The following OR4E1 variants were observed in gnomAD, a reference collection of about 807,000 sequenced individuals.
The protein encoded by OR4E1 is olfactory receptor family 4 subfamily E member 1.
chr14:21,673,202 G>T lies in OR4E1; in HGVS notation c.-130C>A, dbSNP rs1229572487. ...ATTTGGCGATATTTTCTGGTAAAAG[G>T]TACTATTTCAGGCTGTCTGTAAAAA... On this transcript the variant is annotated 5_prime_UTR_variant, in exon 1 of 2. Transcript: ENST00000641792. The T allele has an allele frequency of 2.0e-5, 3 of 152,034 alleles. No homozygotes were observed. Among genetic ancestry groups the T allele is most frequent in the Non-Finnish European group, 4.4e-5 (3 of 68,006 alleles). 9.4% of individuals were successfully genotyped at this position (152,034 alleles called of 1,614,324 possible).
rs1880814575 is a variant in OR4E1 at position 21,669,459 on chromosome 14, G to A, written c.*529C>T. 1 of 152,202 alleles carries A rather than the reference G, an allele frequency of 6.6e-6. No individual in the cohort carries two copies. The highest frequency in any genetic ancestry group is 2.4e-5 in the African/African-American group (1 of 41,448). The allele number at this position is 152,202 out of a possible 1,614,324, so 9.4% of individuals were successfully genotyped here. ...CACCTGTTCAAAGTCTTCTTTCTCT[G>A]TCACCAAAGTCATGTGGAAACTCAC... On this transcript the variant is annotated 3_prime_UTR_variant, in exon 2 of 2. Transcript: ENST00000641792.
intron 1 of OR4E1, among the ~76,000 whole-genome samples, chr14:21,672,600 A>T (rs1244527880): frequency 6.9e-6 from 1 of 145,494 alleles, no homozygotes; most frequent in African/African-American, 2.4e-5. Context: ...TCAAAGCCGA[A>T]GAGCTGACCA....
rs890836034 is a variant in OR4E1, at chr14:21,669,586, G to T, written c.*402C>A. On this transcript the variant is annotated 3_prime_UTR_variant, in exon 2 of 2. Coordinates refer to ENST00000641792, the MANE Select transcript of OR4E1 (RefSeq NM_001317107.2). The stretch of plus-strand genomic sequence containing the variant: ...AAATCTGAAGGTTTGTTTAGACCTT[G>T]GTTATCACTCCAACAGAAAAGCAGA... 9.1e-5 allele frequency: 14 copies of T among 153,152 alleles called. No homozygotes were observed. The East Asian group carries it at 2.7e-3, about 29-fold the overall frequency. The allele number at this position is 153,152 out of a possible 1,614,324, so 9.5% of individuals were successfully genotyped here. A position where few individuals can be genotyped will look rare whatever the true frequency, so the allele number is the denominator to read the frequency against.
chr14:21,669,498 C>T lies in OR4E1; in HGVS notation c.*490G>A, dbSNP rs1880817360. 1.3e-5 allele frequency: 2 copies of T among 152,240 alleles called. No homozygotes were observed. Among genetic ancestry groups the T allele is most frequent in the Non-Finnish European group, 2.9e-5 (2 of 68,050 alleles). 9.4% of individuals were successfully genotyped at this position (152,240 alleles called of 1,614,324 possible). A position where few individuals can be genotyped will look rare whatever the true frequency, so the allele number is the denominator to read the frequency against. ...GTGGAAACTCACTTTATCTGCTTCA[C>T]TAGTGTTTGCTAAGCTGTTTACATA... On this transcript the variant is annotated 3_prime_UTR_variant, in exon 2 of 2. Transcript: ENST00000641792.
rs1347800096 is a variant in OR4E1, at chr14:21,668,424, A to T, written c.*1564T>A. On this transcript the variant is annotated 3_prime_UTR_variant, in exon 2 of 2. Transcript: ENST00000641792. ...TCATGATGTAGACCTTGTGGCTCAC[A>T]GGTTTATTGATCATACACTCACTGA... 6.6e-6 allele frequency: 1 copy of T among 152,198 alleles called. No homozygotes were observed. Among genetic ancestry groups the T allele is most frequent in the Non-Finnish European group, 1.5e-5 (1 of 68,040 alleles). The allele number at this position is 152,198 out of a possible 1,614,324, so 9.4% of individuals were successfully genotyped here.
At position 21,670,034 on chromosome 14, in the gene OR4E1, G is replaced by T. The variant is rs935481141; in HGVS notation, c.902C>A (p.Ala301Asp). 31 of 398,286 alleles carry T rather than the reference G, an allele frequency of 7.8e-5. No individual in the cohort carries two copies. Among genetic ancestry groups the T allele is most frequent in the African/African-American group, 3.7e-4 (18 of 48,522 alleles). 24.7% of individuals were successfully genotyped at this position (398,286 alleles called of 1,614,324 possible). A position where few individuals can be genotyped will look rare whatever the true frequency, so the allele number is the denominator to read the frequency against. The change falls in exon 2 of 2, where the codon GCC becomes GAC. Residue 301 changes from alanine to aspartate, a missense_variant. Physicochemically the swap from Ala to Asp is moderately radical, Grantham distance 126. Transcript: ENST00000641792. ...TTTTCTCCCCACTAACTTGTTTAAG[G>T]CACTCTTCATTTCTTCATTCCTAAG... ...YTLRNEEMKS[A>D]LNKLVGRKER...
rs1295852603 is a variant in OR4E1 at position 21,668,513 on chromosome 14, G to A, written c.*1475C>T. 1 of 152,162 alleles carries A rather than the reference G, an allele frequency of 6.6e-6. No homozygotes were observed. Among genetic ancestry groups the A allele is most frequent in the Non-Finnish European group, 1.5e-5 (1 of 68,026 alleles). 9.4% of individuals were successfully genotyped at this position (152,162 alleles called of 1,614,324 possible). On this transcript the variant is annotated 3_prime_UTR_variant, in exon 2 of 2. Transcript: ENST00000641792. Reference sequence around the variant, plus strand: ...TTTAGCGATGATGTGAGAACAAACTGATGATTTCCAATGTGTCATGCTCTT... The same window carrying A: ...TTTAGCGATGATGTGAGAACAAACTAATGATTTCCAATGTGTCATGCTCTT...
intron 1 of OR4E1, among the ~76,000 whole-genome samples, chr14:21,672,277 C>T (rs1880996737): frequency 6.6e-6 from 1 of 152,204 alleles, no homozygotes; most frequent in South Asian, 2.1e-4. Context: ...TCCTTCCTAT[C>T]ACAAGTGACT....
At chr14:21,672,688 G>A (rs1881016782) in intron 1 of OR4E1, among the ~76,000 whole-genome samples, 2 of 152,060 alleles carry the variant, frequency 1.3e-5, no homozygotes, top group Admixed American at 1.3e-4. Flanking sequence ...CCAAGAACTA[G>A]GTCTGAAATG....
chr14:21,672,066 A>G (rs1326151413), intron 1 of OR4E1, among the ~76,000 whole-genome samples: 1 of 152,152 alleles, frequency 6.6e-6, no homozygotes, highest in Non-Finnish European at 1.5e-5. Context: ...AGTGAAGCAG[A>G]ATATGTCTTA....
Position 21,669,524 on chromosome 14 carries a change from A to G in OR4E1, c.*464T>C, listed in dbSNP as rs1174538878. 1 of 152,304 alleles carries G rather than the reference A, an allele frequency of 6.6e-6. No homozygotes were observed. The highest frequency in any genetic ancestry group is 2.4e-5 in the African/African-American group (1 of 41,464). The allele number at this position is 152,304 out of a possible 1,614,324, so 9.4% of individuals were successfully genotyped here. ...TAGTGTTTGCTAAGCTGTTTACATA[A>G]GCATCTGAGTGAATGATGCAGGCAA... On this transcript the variant is annotated 3_prime_UTR_variant, in exon 2 of 2. Transcript: ENST00000641792.
chr14:21,670,626 GGGTCACACA>G lies in OR4E1; in HGVS notation c.301_309del (p.Cys101_Thr103del), dbSNP rs1880888658. ...GCAAAGAGGTGCAGGAAGAACATCT[GGGTCACACA>G]GGCATCAAAAGAGATGAGCTTTTCC... On this transcript the variant is annotated inframe_deletion, in exon 2 of 2. Coordinates refer to ENST00000641792, the MANE Select transcript of OR4E1 (RefSeq NM_001317107.2). The G allele has an allele frequency of 2.5e-6, 1 of 400,600 alleles. No individual in the cohort carries two copies. The highest frequency in any genetic ancestry group is 4.4e-6 in the Non-Finnish European group (1 of 226,454). The allele number at this position is 400,600 out of a possible 1,614,324, so 24.8% of individuals were successfully genotyped here.
chr14:21,669,367 T>C lies in OR4E1; in HGVS notation c.*621A>G, dbSNP rs1566591907. The C allele has an allele frequency of 6.6e-6, 1 of 152,234 alleles. No homozygotes were observed. Among genetic ancestry groups the C allele is most frequent in the Non-Finnish European group, 1.5e-5 (1 of 68,022 alleles). The allele number at this position is 152,234 out of a possible 1,614,324, so 9.4% of individuals were successfully genotyped here. On this transcript the variant is annotated 3_prime_UTR_variant, in exon 2 of 2. Coordinates refer to ENST00000641792, the MANE Select transcript of OR4E1 (RefSeq NM_001317107.2). ...AAATATTTGTCAAATGAATGAATAGTAAGATATCCCCATTTCATTGCTCTG... is the reference window on the plus strand; with the variant it reads ...AAATATTTGTCAAATGAATGAATAGCAAGATATCCCCATTTCATTGCTCTG...
At chr14:21,671,448 C>A (rs1318182600) in intron 1 of OR4E1, among the ~76,000 whole-genome samples, 1 of 152,124 alleles carries the variant, frequency 6.6e-6, no homozygotes, top group Admixed American at 6.5e-5. Context: ...TGCCATGGGG[C>A]TCTGAGACTG....
At position 21,667,908 on chromosome 14, in the gene OR4E1, T is replaced by C. The variant is rs186484628; in HGVS notation, c.*2080A>G. 1.3e-5 allele frequency: 2 copies of C among 152,732 alleles called. No homozygotes were observed. Among genetic ancestry groups the C allele is most frequent in the East Asian group, 3.9e-4 (2 of 5,184 alleles). 9.5% of individuals were successfully genotyped at this position (152,732 alleles called of 1,614,324 possible). ...AGCCAAGCATCAAGATCTTTTATTT[T>C]TGTTCTTTAAGACTCTCTATTTATT... On this transcript the variant is annotated 3_prime_UTR_variant, in exon 2 of 2. Transcript: ENST00000641792.
In OR4E1 at chr14:21,670,941, T is replaced by C. The variant is rs1293638368; in HGVS notation, c.-6A>G. ...AGTAGGATGGCCTCTTCCATTCTCT[T>C]TGTTAGACAACCTGTAAAGAATTAG... On this transcript the variant is annotated 5_prime_UTR_variant, in exon 2 of 2. Transcript: ENST00000641792. 5.0e-6 allele frequency: 2 copies of C among 398,532 alleles called. No individual in the cohort carries two copies. 24.7% of individuals were successfully genotyped at this position (398,532 alleles called of 1,614,324 possible). A position where few individuals can be genotyped will look rare whatever the true frequency, so the allele number is the denominator to read the frequency against.
In OR4E1 at chr14:21,669,194, G is replaced by A. The variant is rs955077945; in HGVS notation, c.*794C>T. On this transcript the variant is annotated 3_prime_UTR_variant, in exon 2 of 2. Coordinates refer to ENST00000641792, the MANE Select transcript of OR4E1 (RefSeq NM_001317107.2). ...TCTAACAGCACCCTGCTGTTTTATAGCATTTATCACAATCTGTAGTTAAAA... is the reference window on the plus strand; with the variant it reads ...TCTAACAGCACCCTGCTGTTTTATAACATTTATCACAATCTGTAGTTAAAA... The A allele has an allele frequency of 1.3e-5, 2 of 152,078 alleles. No individual in the cohort carries two copies. Among genetic ancestry groups the A allele is most frequent in the Non-Finnish European group, 2.9e-5 (2 of 68,010 alleles). 9.4% of individuals were successfully genotyped at this position (152,078 alleles called of 1,614,324 possible).
At chr14:21,671,472 A>T (rs773960064) in intron 1 of OR4E1, among the ~76,000 whole-genome samples, 2 of 152,162 alleles carry the variant, frequency 1.3e-5, no homozygotes, top group Non-Finnish European at 2.9e-5. Flanking sequence ...TTTCCATGAC[A>T]TAACTTTCAG....
chr14:21,669,793 G>C lies in OR4E1; in HGVS notation c.*195C>G. ...TACCTTTCAAAGTTGTGAGAATTAA[G>C]TAAATGCACAGTGCCTAGAATAATT... On this transcript the variant is annotated 3_prime_UTR_variant, in exon 2 of 2. Coordinates refer to ENST00000641792, the MANE Select transcript of OR4E1 (RefSeq NM_001317107.2). 2.8e-6 allele frequency: 1 copy of C among 358,132 alleles called. No individual in the cohort carries two copies. The highest frequency in any genetic ancestry group is 5.0e-6 in the Non-Finnish European group (1 of 200,956). The allele number at this position is 358,132 out of a possible 1,614,324, so 22.2% of individuals were successfully genotyped here. A position where few individuals can be genotyped will look rare whatever the true frequency, so the allele number is the denominator to read the frequency against.
Sources: allele counts gnomAD v4.1 joint callset (sites outside exome capture counted in the v4.1 genomes callset), GRCh38; gene constraint gnomAD v4.1.1; transcripts MANE v1.5; gene names NCBI Gene and HGNC (gene_info 2026-07-23, HGNC 2026-07-21).